The following SH3GL2 variants were observed in gnomAD, a reference collection of about 807,000 sequenced individuals.
The protein encoded by SH3GL2 is endophilin-A1.
Under a neutral mutation model 46.0 loss-of-function variants are expected in SH3GL2, and 24 were observed. That is an observed-to-expected ratio of 0.52 (90% confidence interval 0.38 to 0.73). SH3GL2 has a LOEUF of 0.73. SH3GL2 is among the 30% of genes least tolerant of loss of function. The probability of loss-of-function intolerance (pLI) is 0.00; values close to 1 mark genes in which losing one functional copy is unlikely to be tolerated. For synonymous variants in SH3GL2, 196 were observed against 147.1 expected (o/e 1.33, Z -2.40); for missense variants, 413 against 424.2 (o/e 0.97, Z 0.23).
At chr9:17,670,485 A>G (rs1340873386) in intron 1 of SH3GL2, among the ~76,000 whole-genome samples, 3 of 152,190 alleles carry the variant, frequency 2.0e-5, no homozygotes, top group South Asian at 2.1e-4. Context: ...GCATGTTTTA[A>G]TATCTGGTAG....
Position 17,668,786 on chromosome 9 carries a change from A to G in SH3GL2, c.46-78280A>G, listed in dbSNP as rs1250175841. 2.0e-5 allele frequency among the ~76,000 whole-genome samples: 3 copies of G among 152,128 alleles called. No individual in the cohort carries two copies. The East Asian group carries it at 5.8e-4, about 29-fold the overall frequency. ...ATCCTCCTACCTCAGCCTCCTGAGTAGCCAGGACTACAGGTGCATGCCACC... is the reference window on the plus strand; with the variant it reads ...ATCCTCCTACCTCAGCCTCCTGAGTGGCCAGGACTACAGGTGCATGCCACC... On this transcript the variant is annotated intron_variant, in intron 1 of 8. Transcript: ENST00000380607.
chr9:17,616,159 A>G (rs1011304578), intron 1 of SH3GL2, among the ~76,000 whole-genome samples: 2 of 152,210 alleles, frequency 1.3e-5, no homozygotes, highest in Non-Finnish European at 2.9e-5. Flanking sequence ...CTGTTTGTGT[A>G]CAGGAGTATC....
At chr9:17,635,081 C>A (rs180754808) in intron 1 of SH3GL2, among the ~76,000 whole-genome samples, 1 of 152,202 alleles carries the variant, frequency 6.6e-6, no homozygotes, top group Non-Finnish European at 1.5e-5. Flanking sequence ...GATTTCATCA[C>A]CCAGGTATTA....
chr9:17,689,266 T>G (rs541149432), intron 1 of SH3GL2, among the ~76,000 whole-genome samples: 2 of 151,810 alleles, frequency 1.3e-5, no homozygotes, highest in South Asian at 2.1e-4. Context: ...CAAAGAAAAG[T>G]CTGAGAAACT....
intron 2 of SH3GL2, among the ~76,000 whole-genome samples, chr9:17,753,775 G>T (rs532363536): frequency 6.6e-6 from 1 of 152,070 alleles, no homozygotes; most frequent in Non-Finnish European, 1.5e-5. Flanking sequence ...ATGGTATTTT[G>T]CCTAGGTTGT....
At chr9:17,643,922 T>G (rs1458591833) in intron 1 of SH3GL2, among the ~76,000 whole-genome samples, 1 of 152,218 alleles carries the variant, frequency 6.6e-6, no homozygotes, top group African/African-American at 2.4e-5. Flanking sequence ...AGCTCCTCTT[T>G]GTACCTCTGG....
intron 1 of SH3GL2, among the ~76,000 whole-genome samples, chr9:17,626,357 AG>A (rs1819280983): frequency 6.6e-6 from 1 of 152,148 alleles, no homozygotes; most frequent in African/African-American, 2.4e-5. Flanking sequence ...AGCCACTCTG[AG>A]GTTAGAGGAC....
chr9:17,593,323 C>T (rs1818518466), intron 1 of SH3GL2, among the ~76,000 whole-genome samples: 1 of 152,126 alleles, frequency 6.6e-6, no homozygotes, highest in African/African-American at 2.4e-5. Context: ...GGACCGAGCC[C>T]TCAACCTGTG....
intron 1 of SH3GL2, among the ~76,000 whole-genome samples, chr9:17,616,349 A>G (rs928505594): frequency 3.3e-5 from 5 of 152,220 alleles, no homozygotes; most frequent in African/African-American, 1.2e-4. Flanking sequence ...CATTGAGGGC[A>G]AAACATAATA....
chr9:17,587,767 A>T (rs1441565482), intron 1 of SH3GL2, among the ~76,000 whole-genome samples: 1 of 151,968 alleles, frequency 6.6e-6, no homozygotes, highest in East Asian at 1.9e-4. Flanking sequence ...AGTCCCAGCT[A>T]CTCGGGAGGC....
intron 1 of SH3GL2, among the ~76,000 whole-genome samples, chr9:17,720,139 A>G (rs1426249961): frequency 6.6e-6 from 1 of 152,100 alleles, no homozygotes; most frequent in Non-Finnish European, 1.5e-5. Context: ...TAATTTTAGC[A>G]ACATCCCCTC....
intron 1 of SH3GL2, among the ~76,000 whole-genome samples, chr9:17,640,809 G>C (rs532307445): frequency 6.6e-6 from 1 of 152,282 alleles, no homozygotes; most frequent in East Asian, 1.9e-4. Context: ...GTATTATACA[G>C]ATATTCAGGT....
chr9:17,691,848 G>A lies in SH3GL2; in HGVS notation c.46-55218G>A, dbSNP rs116997177. 6.9e-3 allele frequency among the ~76,000 whole-genome samples: 1,051 copies of A among 152,140 alleles called. 6 individuals carry two copies. The highest frequency in any genetic ancestry group is 0.011 in the Non-Finnish European group (764 of 67,984). ...TTAGTGGTTTTGTACACTTTTGACA[G>A]TTATTACAAAGTACTATATATTCCA... On this transcript the variant is annotated intron_variant, in intron 1 of 8. Coordinates refer to ENST00000380607, the MANE Select transcript of SH3GL2 (RefSeq NM_003026.5).
At chr9:17,751,947 A>G (rs571474754) in intron 2 of SH3GL2, among the ~76,000 whole-genome samples, 1 of 152,306 alleles carries the variant, frequency 6.6e-6, no homozygotes, top group South Asian at 2.1e-4. Context: ...CAGTGATGAC[A>G]AGCTTCCTCT....
At position 17,791,217 on chromosome 9, in the gene SH3GL2, C is replaced by T; in HGVS notation, c.625-14C>T. ...CGTGTAAAACTAAGGCATGATTTTC[C>T]CATCAATCTGCAGATTGAACAAGTG... On this transcript the variant is annotated splice_polypyrimidine_tract_variant and intron_variant, in intron 6 of 8. Coordinates refer to ENST00000380607, the MANE Select transcript of SH3GL2 (RefSeq NM_003026.5). 4 of 1,588,054 alleles carry T rather than the reference C, an allele frequency of 2.5e-6. No individual in the cohort carries two copies. The highest frequency in any genetic ancestry group is 3.5e-6 in the Non-Finnish European group (4 of 1,156,464).
chr9:17,682,063 A>C (rs1003784172), intron 1 of SH3GL2, among the ~76,000 whole-genome samples: 3 of 152,264 alleles, frequency 2.0e-5, no homozygotes. Context: ...GTCAAGAAAC[A>C]ATAGATGTGA....
intron 1 of SH3GL2, among the ~76,000 whole-genome samples, chr9:17,592,731 C>T (rs1818507131): frequency 1.3e-5 from 2 of 151,628 alleles, no homozygotes; most frequent in Admixed American, 1.3e-4. Flanking sequence ...CCTGTTTCCT[C>T]ACAGAAAAAA....
At chr9:17,650,811 A>T (rs974276179) in intron 1 of SH3GL2, among the ~76,000 whole-genome samples, 1 of 152,226 alleles carries the variant, frequency 6.6e-6, no homozygotes, top group East Asian at 1.9e-4. Context: ...TTTTTAGGGC[A>T]TCTTGAGACT....
At chr9:17,660,435 C>T (rs16935858) in intron 1 of SH3GL2, among the ~76,000 whole-genome samples, 6,760 of 152,142 alleles carry the variant, frequency 0.044, 502 homozygotes, top group African/African-American at 0.15. Flanking sequence ...GTAGCTGAGC[C>T]GGTAGACATT....
Sources: gnomAD v4.1 joint callset for allele counts (sites outside exome capture counted in the v4.1 genomes callset) on GRCh38, gnomAD v4.1.1 for gene constraint, MANE v1.5 for transcripts, NCBI Gene and HGNC (gene_info 2026-07-23, HGNC 2026-07-21) for gene names.